STK24: variants seen among roughly 807,000 people sequenced by gnomAD.
The protein encoded by STK24 is serine/threonine-protein kinase 24.
A neutral mutation model predicts 55.6 loss-of-function variants in STK24; 21 were observed. The observed-to-expected ratio is 0.38, with a 90% CI of 0.27 to 0.54. The LOEUF (loss-of-function observed/expected upper bound fraction) is 0.54, where lower values mean the gene tolerates loss of function less well. STK24 is among the 20% of genes least tolerant of loss of function. STK24 has a pLI of 0.79. For missense variants in STK24, 383 were observed against 538.4 expected, an observed-to-expected ratio of 0.71 and a Z score of 2.86; for synonymous variants, 200 against 215.2, an observed-to-expected ratio of 0.93 and a Z score of 0.62.
At position 98,449,965 on chromosome 13, in the gene STK24, C is replaced by G. The variant is rs2139206014; in HGVS notation, c.*3208G>C. 6.6e-6 allele frequency: 1 copy of G among 152,368 alleles called. No individual in the cohort carries two copies. 9.4% of individuals were successfully genotyped at this position (152,368 alleles called of 1,614,324 possible). A position where few individuals can be genotyped will look rare whatever the true frequency, so the allele number is the denominator to read the frequency against. On this transcript the variant is annotated 3_prime_UTR_variant, in exon 11 of 11. Transcript: ENST00000539966. ...CCGGGCCACACAGCAGCATCAGGCT[C>G]CCTCCAGAAGTCACCACTCACTCAT... is the stretch of plus-strand genomic sequence containing the variant.
intron 2 of STK24, among the ~76,000 whole-genome samples, chr13:98,485,223 C>G (rs962736449): frequency 3.3e-5 from 5 of 152,080 alleles, no homozygotes; most frequent in Non-Finnish European, 5.9e-5. Flanking sequence ...GTGCAGGAGA[C>G]CAGAGTTTTA....
In STK24 at chr13:98,510,790, T is replaced by C. The variant is rs552146480; in HGVS notation, c.273+8453A>G. On this transcript the variant is annotated intron_variant, in intron 2 of 10. Coordinates refer to ENST00000539966, the MANE Select transcript of STK24 (RefSeq NM_001032296.4). ...TGAATGATGATGGGTAGAGTATCTT[T>C]CGAGGGGATGAAATGTTCTAAAATT... Among the ~76,000 whole-genome samples, 6 of 152,328 alleles carry C rather than the reference T, an allele frequency of 3.9e-5. No individual in the cohort carries two copies. The South Asian group carries it at 1.0e-3, about 26-fold the overall frequency.
At chr13:98,463,874 A>G (rs1288560612) in intron 6 of STK24, 38 bp from the exon 7 acceptor site, 1 of 1,605,068 alleles carries the variant, frequency 6.2e-7, no homozygotes, top group Non-Finnish European at 8.5e-7. Context: ...TATGAGATGA[A>G]GTTCTTGGTC....
chr13:98,499,009 GGCTGAA>G (rs1166877375), intron 2 of STK24, among the ~76,000 whole-genome samples: 3 of 151,974 alleles, frequency 2.0e-5, no homozygotes, highest in Non-Finnish European at 4.4e-5. Context: ...CACTTTGGGA[GGCTGAA>G]GCGGGTGGAT....
At chr13:98,541,104 A>C (rs1594654489) in intron 1 of STK24, among the ~76,000 whole-genome samples, 1 of 152,220 alleles carries the variant, frequency 6.6e-6, no homozygotes, top group Non-Finnish European at 1.5e-5. Context: ...CTCAGACCTT[A>C]GTTATAGACT....
At chr13:98,465,774 C>T (rs1323579774) in intron 6 of STK24, among the ~76,000 whole-genome samples, 1 of 152,206 alleles carries the variant, frequency 6.6e-6, no homozygotes, top group Non-Finnish European at 1.5e-5. Context: ...ATGGTGCTAC[C>T]TCCAACACCA....
At chr13:98,566,133 C>T (rs1032912577) in intron 1 of STK24, among the ~76,000 whole-genome samples, 9 of 151,998 alleles carry the variant, frequency 5.9e-5, no homozygotes, top group Non-Finnish European at 1.2e-4. Flanking sequence ...ACGCTGCCAG[C>T]CAGAAGCACG....
chr13:98,492,074 C>CACGT (rs1435134516), intron 2 of STK24, among the ~76,000 whole-genome samples: 4 of 62,214 alleles, frequency 6.4e-5, no homozygotes, highest in South Asian at 1.2e-3. Flanking sequence ...AAAGTGCGTG[C>CACGT]GCGTGTGTGT....
At chr13:98,576,301 G>T (rs1897890335) in intron 1 of STK24, 3 of 865,456 alleles carry the variant, frequency 3.5e-6, no homozygotes, top group South Asian at 1.0e-4. Flanking sequence ...CCGCCTGCCC[G>T]GGGGTGGGGG....
At position 98,535,305 on chromosome 13, in the gene STK24, C is replaced by G. The variant is rs183868369; in HGVS notation, c.43-15832G>C. 1.5e-3 allele frequency among the ~76,000 whole-genome samples: 215 copies of G among 141,612 alleles called. 2 individuals are homozygous for G. Among genetic ancestry groups the G allele is most frequent in the South Asian group, 6.6e-3 (30 of 4,518 alleles). The allele number at this position is 141,612 out of a possible 152,430, so 92.9% of individuals were successfully genotyped here. On this transcript the variant is annotated intron_variant, in intron 1 of 10. Coordinates refer to ENST00000539966, the MANE Select transcript of STK24 (RefSeq NM_001032296.4). ...TGAGCCAAGATCACGCCATTGCACT[C>G]CAGCCTGGGCAACAAGAGCGAAACT...
intron 1 of STK24, among the ~76,000 whole-genome samples, chr13:98,563,568 ACATTTCCAGG>A (rs1432095375): frequency 6.6e-6 from 1 of 152,168 alleles, no homozygotes; most frequent in Non-Finnish European, 1.5e-5. Flanking sequence ...CGTATAAAAC[ACATTTCCAGG>A]CTGGGCGTGG....
chr13:98,482,934 G>A (rs1894652031), intron 2 of STK24, among the ~76,000 whole-genome samples: 1 of 152,224 alleles, frequency 6.6e-6, no homozygotes, highest in Non-Finnish European at 1.5e-5. Context: ...CAGAAAAGCA[G>A]GTCTGTCCTA....
Position 98,445,836 on chromosome 13 carries a change from A to C in STK24, c.*7337T>G. ...TCCAAATAAGCCTGTGTTCTAAGGTACTGGTAGTCAGGACCTCAACGTGTC... is the reference window on the plus strand; with the variant it reads ...TCCAAATAAGCCTGTGTTCTAAGGTCCTGGTAGTCAGGACCTCAACGTGTC... On this transcript the variant is annotated 3_prime_UTR_variant, in exon 11 of 11. Coordinates refer to ENST00000539966, the MANE Select transcript of STK24 (RefSeq NM_001032296.4). 2.5e-6 allele frequency: 1 copy of C among 395,806 alleles called. No homozygotes were observed. Among genetic ancestry groups the C allele is most frequent in the Non-Finnish European group, 4.6e-6 (1 of 216,260 alleles). 24.5% of individuals were successfully genotyped at this position (395,806 alleles called of 1,614,324 possible).
chr13:98,562,077 T>C (rs1354578124), intron 1 of STK24, among the ~76,000 whole-genome samples: 5 of 150,728 alleles, frequency 3.3e-5, no homozygotes, highest in Non-Finnish European at 7.4e-5. Flanking sequence ...GAAAACCATA[T>C]GGAAATGTGG....
rs549234133 is a variant in STK24, at chr13:98,447,562, C to G, written c.*5611G>C. ...TTGTGCAGGATGTTCAGCGGCATCC[C>G]TGGCCACCCACTAGATGCCCGCAGC... On this transcript the variant is annotated 3_prime_UTR_variant, in exon 11 of 11. Coordinates refer to ENST00000539966, the MANE Select transcript of STK24 (RefSeq NM_001032296.4). 4.6e-5 allele frequency: 7 copies of G among 152,722 alleles called. No individual in the cohort carries two copies. The highest frequency in any genetic ancestry group is 3.3e-4 in the Admixed American group (5 of 15,324). 9.5% of individuals were successfully genotyped at this position (152,722 alleles called of 1,614,324 possible).
At chr13:98,558,919 C>T (rs1331536092) in intron 1 of STK24, among the ~76,000 whole-genome samples, 1 of 145,206 alleles carries the variant, frequency 6.9e-6, no homozygotes, top group East Asian at 2.0e-4. Context: ...AATCCCAGCA[C>T]TTTAGGAGGC....
intron 4 of STK24, 70 bp downstream of exon 4, chr13:98,475,180 G>A (rs1894318210): frequency 6.9e-7 from 1 of 1,459,594 alleles, no homozygotes; most frequent in Non-Finnish European, 9.4e-7. Flanking sequence ...ACCTTCCCTT[G>A]AGAAGTCTTC....
chr13:98,571,669 A>C (rs1026936790), intron 1 of STK24, among the ~76,000 whole-genome samples: 2 of 152,226 alleles, frequency 1.3e-5, no homozygotes, highest in African/African-American at 4.8e-5. Context: ...TAGGCAACTA[A>C]CTAACAAAAC....
chr13:98,475,447 GA>G (rs1309723190), intron 3 of STK24, 89 bp from the exon 4 acceptor site: 1 of 875,860 alleles, frequency 1.1e-6, no homozygotes, highest in Non-Finnish European at 1.7e-6. Flanking sequence ...CATGTTAATG[GA>G]CAAGGGTAAT....
Sources: gnomAD v4.1 joint callset for allele counts (sites outside exome capture counted in the v4.1 genomes callset) on GRCh38, gnomAD v4.1.1 for gene constraint, MANE v1.5 for transcripts, NCBI Gene and HGNC (gene_info 2026-07-23, HGNC 2026-07-21) for gene names.